The following BEND7 variants were observed in gnomAD, a reference collection of about 807,000 sequenced individuals.
The protein encoded by BEND7 is BEN domain containing 7.
BEND7 carries 28 observed loss-of-function variants against 50.9 expected under a neutral mutation model. That is an observed-to-expected ratio of 0.55 (90% CI 0.41 to 0.75). The LOEUF (loss-of-function observed/expected upper bound fraction) is 0.75, where lower values mean the gene tolerates loss of function less well. Ranked by LOEUF, BEND7 falls within the 30% of genes least tolerant of loss-of-function variation. BEND7 has a pLI of 0.00. For synonymous variants in BEND7, 170 were observed against 183.9 expected (o/e 0.92, Z 0.61); for missense variants, 477 against 491.3 (o/e 0.97, Z 0.28).
intron 7 of BEND7, among the ~76,000 whole-genome samples, chr10:13,448,362 C>A (rs1836891542): frequency 6.6e-6 from 1 of 152,172 alleles, no homozygotes; most frequent in Admixed American, 6.5e-5. Context: ...CTGTGGTCCC[C>A]ACAGGCAGGC....
At chr10:13,461,038 C>T (rs2131273488) in intron 6 of BEND7, among the ~76,000 whole-genome samples, 1 of 152,318 alleles carries the variant, frequency 6.6e-6, no homozygotes. Context: ...ACCAGGTACA[C>T]AGCCAAGGGG....
chr10:13,498,847 T>G (rs1470759280), intron 3 of BEND7, among the ~76,000 whole-genome samples: 2 of 152,194 alleles, frequency 1.3e-5, no homozygotes, highest in East Asian at 3.8e-4. Flanking sequence ...ACCCATACAT[T>G]TCTGGGGTCC....
chr10:13,528,031 C>T (rs923815261), intron 1 of BEND7, among the ~76,000 whole-genome samples: 1 of 152,124 alleles, frequency 6.6e-6, no homozygotes, highest in African/African-American at 2.4e-5. Flanking sequence ...CTTCTTTCTC[C>T]TTCTTAAAAA....
Position 13,481,113 on chromosome 10 carries a change from T to C in BEND7, c.849A>G (p.Gln283=), listed in dbSNP as rs369077810. 1.2e-5 allele frequency: 20 copies of C among 1,613,650 alleles called. No homozygotes were observed. Among genetic ancestry groups the C allele is most frequent in the Admixed American group, 1.7e-5 (1 of 59,982 alleles). Residue 283 remains glutamine (Q), a synonymous_variant, in exon 6 of 9, where the codon CAA becomes CAG. Coordinates refer to ENST00000466271, the MANE Select transcript of BEND7 (RefSeq NM_001369863.1). The part of the protein sequence containing the change: ...LESPSSDPEV[Q]LAEGFDVFMP... ...TAAACACGTCAAAGCCTTCAGCAAGTTGTACTTCTGGCTACCAAAAGAACA... is the reference window on the plus strand; with the variant it reads ...TAAACACGTCAAAGCCTTCAGCAAGCTGTACTTCTGGCTACCAAAAGAACA...
intron 5 of BEND7, among the ~76,000 whole-genome samples, chr10:13,487,308 C>A (rs1238110937): frequency 6.6e-6 from 1 of 151,896 alleles, no homozygotes; most frequent in African/African-American, 2.4e-5. Flanking sequence ...CACGATGAAG[C>A]AAAGATCTGA....
intron 6 of BEND7, among the ~76,000 whole-genome samples, chr10:13,475,042 T>G (rs1050169544): frequency 5.9e-5 from 9 of 152,208 alleles, no homozygotes; most frequent in African/African-American, 2.2e-4. Flanking sequence ...GAAATTCTGA[T>G]GCACACTAAA....
At position 13,450,409 on chromosome 10, in the gene BEND7, C is replaced by T. The variant is rs569181212; in HGVS notation, c.1183+2130G>A. Among the ~76,000 whole-genome samples, 8 of 152,262 alleles carry T rather than the reference C, an allele frequency of 5.3e-5. No individual in the cohort carries two copies. In the South Asian group the frequency reaches 1.2e-3, roughly 24 times the overall value. Reference sequence around the variant, plus strand: ...TTGATCCAGACCTCTCGGTTCCTATCGGCATCATGGAAGGAAATACAAGTG... The same window carrying T: ...TTGATCCAGACCTCTCGGTTCCTATTGGCATCATGGAAGGAAATACAAGTG... On this transcript the variant is annotated intron_variant, in intron 7 of 8. Transcript: ENST00000466271.
At chr10:13,485,405 C>G (rs955657444) in intron 5 of BEND7, among the ~76,000 whole-genome samples, 3 of 152,176 alleles carry the variant, frequency 2.0e-5, no homozygotes, top group African/African-American at 7.2e-5. Context: ...TATATAGGGT[C>G]ACCTTTGCAG....
At chr10:13,518,756 T>A (rs2078874309) in intron 2 of BEND7, among the ~76,000 whole-genome samples, 1 of 152,260 alleles carries the variant, frequency 6.6e-6, no homozygotes, top group South Asian at 2.1e-4. Context: ...AAATGAGGCA[T>A]CTTTTAGTTT....
chr10:13,463,375 G>T (rs984736647), intron 6 of BEND7, among the ~76,000 whole-genome samples: 4 of 152,162 alleles, frequency 2.6e-5, no homozygotes, highest in African/African-American at 9.7e-5. Context: ...TGACCTATAA[G>T]ATCTTAAGAA....
intron 3 of BEND7, 186 bp from the exon 4 acceptor site, chr10:13,497,074 T>C (rs2077074733): frequency 1.4e-6 from 1 of 722,782 alleles, no homozygotes. Context: ...GGGTCTGACT[T>C]TATCTAATTA....
In BEND7 at chr10:13,492,618, G is replaced by A; in HGVS notation, c.830C>T (p.Ser277Phe). Reference protein sequence around the residue: ...LGFGIVLESPSSDPEVQLAEG... With the variant: ...LGFGIVLESPFSDPEVQLAEG... The stretch of plus-strand genomic sequence containing the variant: ...CAGAAAATGGCAACTTACATCTGAG[G>A]AAGGTGATTCCAGAACAATGCCGAA... The change falls in exon 5 of 9, where the codon TCC (serine) becomes TTC (phenylalanine). Residue 277 changes from serine (S) to phenylalanine (F), a missense_variant. Coordinates refer to ENST00000466271, the MANE Select transcript of BEND7 (RefSeq NM_001369863.1). The A allele has an allele frequency of 2.5e-6, 4 of 1,613,672 alleles. No individual in the cohort carries two copies. The highest frequency in any genetic ancestry group is 2.2e-5 in the East Asian group (1 of 44,888).
intron 8 of BEND7, chr10:13,442,749 C>T (rs917349738): frequency 1.3e-5 from 2 of 152,174 alleles, no homozygotes; most frequent in African/African-American, 4.8e-5. Context: ...TGTGTTGACG[C>T]AACTTAGGTG....
intron 2 of BEND7, among the ~76,000 whole-genome samples, chr10:13,515,277 T>C (rs140552570): frequency 6.6e-6 from 1 of 152,242 alleles, no homozygotes; most frequent in South Asian, 2.1e-4. Context: ...TTCGATTTTA[T>C]GGAACTATAA....
At chr10:13,508,341 T>C (rs906047711) in intron 2 of BEND7, among the ~76,000 whole-genome samples, 4 of 152,144 alleles carry the variant, frequency 2.6e-5, no homozygotes, top group Non-Finnish European at 5.9e-5. Context: ...TTTTCCCAAG[T>C]GCAATCTAAA....
chr10:13,453,014 G>T (rs565395051), intron 6 of BEND7, among the ~76,000 whole-genome samples: 4 of 152,314 alleles, frequency 2.6e-5, no homozygotes, highest in African/African-American at 9.6e-5. Flanking sequence ...CGTATTAAAA[G>T]AGTTCACTTT....
At chr10:13,526,247 T>C (rs1182018889) in intron 1 of BEND7, 26 bp from the exon 2 acceptor site, 1 of 1,235,700 alleles carries the variant, frequency 8.1e-7, no homozygotes. Context: ...AACCAAAAAT[T>C]AGAATCCTAA....
chr10:13,465,398 T>C (rs1028354077), intron 6 of BEND7, among the ~76,000 whole-genome samples: 1 of 152,218 alleles, frequency 6.6e-6, no homozygotes, highest in African/African-American at 2.4e-5. Flanking sequence ...CATGAGACTT[T>C]AGCAGGAGCC....
intron 6 of BEND7, among the ~76,000 whole-genome samples, chr10:13,465,870 A>ATC (rs937066579): frequency 2.0e-4 from 19 of 94,524 alleles, no homozygotes; most frequent in Non-Finnish European, 2.2e-4. Context: ...GGCCACAGCT[A>ATC]TCTCTCTCTC....
Sources: allele counts gnomAD v4.1 joint callset (sites outside exome capture counted in the v4.1 genomes callset), GRCh38; gene constraint gnomAD v4.1.1; transcripts MANE v1.5; gene names NCBI Gene and HGNC (gene_info 2026-07-23, HGNC 2026-07-21).